KAT6B: variants seen among roughly 807,000 people sequenced by gnomAD.
The protein encoded by KAT6B is lysine acetyltransferase 6B, also known as histone acetyltransferase KAT6B.
Under a neutral mutation model 187.5 loss-of-function variants are expected in KAT6B, and 10 were observed. That is an observed-to-expected ratio of 0.05 (90% confidence interval 0.03 to 0.09). The LOEUF (loss-of-function observed/expected upper bound fraction) is 0.09, where lower values mean the gene tolerates loss of function less well. Among genes scored for constraint, KAT6B ranks in the 10% least tolerant of loss-of-function variants. The pLI, the probability that KAT6B is intolerant of heterozygous loss-of-function variation, is 1.00. For synonymous variants in KAT6B, 861 were observed against 926.8 expected, an observed-to-expected ratio of 0.93 and a Z score of 1.29; for missense variants, 1,952 against 2,558.9, an observed-to-expected ratio of 0.76 and a Z score of 5.12.
chr10:74,925,851 C>T (rs1848459526), intron 3 of KAT6B, among the ~76,000 whole-genome samples: 1 of 151,972 alleles, frequency 6.6e-6, no homozygotes, highest in African/African-American at 2.4e-5. Flanking sequence ...GTATTGAGTG[C>T]TCATTATGTG....
intron 3 of KAT6B, among the ~76,000 whole-genome samples, chr10:74,935,569 C>G (rs1849210003): frequency 6.6e-6 from 1 of 152,174 alleles, no homozygotes; most frequent in Non-Finnish European, 1.5e-5. Context: ...TCCCAAACTG[C>G]TGGGATTACA....
At chr10:74,995,654 C>T (rs1405972658) in intron 13 of KAT6B, among the ~76,000 whole-genome samples, 1 of 152,226 alleles carries the variant, frequency 6.6e-6, no homozygotes, top group African/African-American at 2.4e-5. Flanking sequence ...GAAATGACTT[C>T]ATAGAGATTT....
intron 13 of KAT6B, among the ~76,000 whole-genome samples, chr10:74,989,824 A>G (rs1843017435): frequency 6.6e-6 from 1 of 152,086 alleles, no homozygotes; most frequent in East Asian, 1.9e-4. Flanking sequence ...TTAGGGGTAC[A>G]TTTGGAGAAT....
chr10:74,975,404 T>C lies in KAT6B; in HGVS notation c.1067T>C (p.Val356Ala), dbSNP rs1394850841. 2 of 1,613,756 alleles carry C rather than the reference T, an allele frequency of 1.2e-6. No homozygotes were observed. The highest frequency in any genetic ancestry group is 2.7e-5 in the African/African-American group (2 of 74,926). The change falls in exon 8 of 18, where the codon GTA (valine) becomes GCA (alanine). Residue 356 changes from valine to alanine, a missense_variant. Val to Ala is a moderately conservative substitution (Grantham distance 64). This residue lies in a region of KAT6B where 417 missense variants were observed against 508.9 expected (regional missense o/e 0.82). Coordinates refer to ENST00000287239, the MANE Select transcript of KAT6B (RefSeq NM_012330.4). The stretch of plus-strand genomic sequence containing the variant: ...TTCTCTAAATTTCTGCCTAGGTCTG[T>C]AACCAGTGATGAAGGATCCATGAAT... ...KNKLKQRLLS[V>A]TSDEGSMNAF... is the part of the protein sequence containing the mutation.
intron 3 of KAT6B, among the ~76,000 whole-genome samples, chr10:74,878,784 G>A (rs751588392): frequency 6.6e-6 from 1 of 152,148 alleles, no homozygotes; most frequent in Non-Finnish European, 1.5e-5. Context: ...GAACCAGGGT[G>A]CATGTTTGGG....
At chr10:75,016,940 T>C (rs189236017) in intron 13 of KAT6B, among the ~76,000 whole-genome samples, 1 of 148,112 alleles carries the variant, frequency 6.8e-6, no homozygotes, top group African/African-American at 2.5e-5. Flanking sequence ...CTCGGCTCAC[T>C]GCAACCTCTG....
chr10:74,963,866 G>A (rs919019142), intron 4 of KAT6B, among the ~76,000 whole-genome samples: 14 of 152,118 alleles, frequency 9.2e-5, no homozygotes, highest in African/African-American at 3.1e-4. Flanking sequence ...GCTCACGCCT[G>A]TAGTCCCAGC....
At chr10:74,916,208 A>G (rs981461410) in intron 3 of KAT6B, among the ~76,000 whole-genome samples, 1 of 152,212 alleles carries the variant, frequency 6.6e-6, no homozygotes, top group African/African-American at 2.4e-5. Flanking sequence ...TTTTATACTC[A>G]TGTGCTATTA....
At chr10:74,878,401 C>T (rs1844579443) in intron 3 of KAT6B, among the ~76,000 whole-genome samples, 1 of 151,998 alleles carries the variant, frequency 6.6e-6, no homozygotes, top group Admixed American at 6.6e-5. Flanking sequence ...CAAATGACCC[C>T]TAAAGCTCAG....
At chr10:74,835,520 G>T (rs975058470) in intron 1 of KAT6B, among the ~76,000 whole-genome samples, 1 of 152,204 alleles carries the variant, frequency 6.6e-6, no homozygotes, top group African/African-American at 2.4e-5. Context: ...GGTAATACCC[G>T]AAGTAACTCC....
chr10:74,997,490 A>G (rs1036218249), intron 13 of KAT6B, among the ~76,000 whole-genome samples: 1 of 152,184 alleles, frequency 6.6e-6, no homozygotes, highest in Non-Finnish European at 1.5e-5. Context: ...GCACAGTTAC[A>G]CAAATAAGTT....
intron 3 of KAT6B, among the ~76,000 whole-genome samples, chr10:74,844,451 GGTCTCCCAAAGTGTTGGGATTACA>G (rs1227892074): frequency 6.6e-6 from 1 of 152,178 alleles, no homozygotes; most frequent in Non-Finnish European, 1.5e-5. Context: ...CACCCGCTTT[GGTCTCCCAAAGTGTTGGGATTACA>G]GGCGTGAGAC....
At chr10:74,850,114 A>G (rs1478371163) in intron 3 of KAT6B, among the ~76,000 whole-genome samples, 1 of 151,894 alleles carries the variant, frequency 6.6e-6, no homozygotes, top group East Asian at 1.9e-4. Context: ...AATTTTTTGT[A>G]TTTTTAGTAG....
intron 3 of KAT6B, among the ~76,000 whole-genome samples, chr10:74,894,259 T>A (rs922581526): frequency 1.3e-5 from 2 of 152,158 alleles, no homozygotes; most frequent in African/African-American, 4.8e-5. Context: ...TTTTCGTACT[T>A]TTAGTAGAGA....
At chr10:74,873,513 G>C (rs550960124) in intron 3 of KAT6B, among the ~76,000 whole-genome samples, 39 of 152,238 alleles carry the variant, frequency 2.6e-4, no homozygotes, top group African/African-American at 9.1e-4. Flanking sequence ...CGAGGCTGCT[G>C]TGTGGCCAGG....
At chr10:74,828,163 G>A (rs1279484535) in intron 1 of KAT6B, among the ~76,000 whole-genome samples, 3 of 152,186 alleles carry the variant, frequency 2.0e-5, no homozygotes, top group Admixed American at 6.5e-5. Flanking sequence ...ATTACAAATG[G>A]TGTCCTATGC....
At chr10:74,925,471 A>G (rs1166517542) in intron 3 of KAT6B, among the ~76,000 whole-genome samples, 1 of 129,934 alleles carries the variant, frequency 7.7e-6, no homozygotes, top group East Asian at 2.3e-4. Flanking sequence ...GTTTTGTTAC[A>G]GTCTGTCTTT....
chr10:74,943,235 T>C (rs1042522766), intron 3 of KAT6B, among the ~76,000 whole-genome samples: 2 of 152,142 alleles, frequency 1.3e-5, no homozygotes, highest in African/African-American at 4.8e-5. Flanking sequence ...TCAAATACTA[T>C]GAAAATATAT....
intron 3 of KAT6B, among the ~76,000 whole-genome samples, chr10:74,885,973 C>T (rs1845222692): frequency 6.6e-6 from 1 of 152,152 alleles, no homozygotes; most frequent in Admixed American, 6.5e-5. Flanking sequence ...CCTTGTGATC[C>T]TCCCACCTTG....
Sources: gnomAD v4.1 joint callset for allele counts (sites outside exome capture counted in the v4.1 genomes callset) on GRCh38, gnomAD v4.1.1 for gene constraint, gnomAD v4.1.1 regional missense constraint, MANE v1.5 for transcripts, NCBI Gene and HGNC (gene_info 2026-07-23, HGNC 2026-07-21) for gene names.